Variants in MCOLN1 observed in about 807,000 individuals in gnomAD.
The protein encoded by MCOLN1 is mucolipin TRP cation channel 1.
A neutral mutation model predicts 70.3 loss-of-function variants in MCOLN1; 50 were observed. The ratio of observed to expected loss-of-function variants is 0.71; its 90% CI spans 0.57 to 0.90. MCOLN1 has a LOEUF of 0.90. Among genes scored for constraint, MCOLN1 ranks in the 40% least tolerant of loss-of-function variants. The pLI, the probability that MCOLN1 is intolerant of heterozygous loss-of-function variation, is 0.00. For synonymous variants in MCOLN1, 366 were observed against 341.0 expected (o/e 1.07, Z -0.81); for missense variants, 598 against 803.5 (o/e 0.74, Z 3.09).
chr19:7,533,733 C>T (rs1568401775), intron 13 of MCOLN1, 26 bp from the exon 14 acceptor site: 42 of 1,614,050 alleles, frequency 2.6e-5, no homozygotes, highest in Non-Finnish European at 3.2e-5. Flanking sequence ...AAACTGACGC[C>T]CCTCTTCCCT....
chr19:7,527,860 C>T lies in MCOLN1; in HGVS notation c.681-4C>T. On this transcript the variant is annotated splice_polypyrimidine_tract_variant and splice_region_variant and intron_variant, in intron 5 of 13. Coordinates refer to ENST00000264079, the MANE Select transcript of MCOLN1 (RefSeq NM_020533.3). The stretch of plus-strand genomic sequence containing the variant: ...CCTGACCCTCACCCGAGCCTCCTGC[C>T]TAGGCTGGTCAATGTCACCATCCAC... 1 of 1,612,748 alleles carries T rather than the reference C, an allele frequency of 6.2e-7. No homozygotes were observed. Among genetic ancestry groups the T allele is most frequent in the Non-Finnish European group, 8.5e-7 (1 of 1,178,712 alleles).
At chr19:7,527,055 G>A in intron 4 of MCOLN1, 129 bp downstream of exon 4, 1 of 1,254,772 alleles carries the variant, frequency 8.0e-7, no homozygotes, top group East Asian at 2.4e-5. Context: ...AGGAAGGATT[G>A]CTTGAGGCCA....
In MCOLN1 at chr19:7,526,412, T is replaced by G; in HGVS notation, c.238-27T>G. The G allele has an allele frequency of 6.2e-7, 1 of 1,614,116 alleles. No homozygotes were observed. The highest frequency in any genetic ancestry group is 2.2e-5 in the East Asian group (1 of 44,874). ...TACACCCCAACCCCCATCCTAGCCATGCCAACCTCTACTACCCTCTCCCCA... is the reference window on the plus strand; with the variant it reads ...TACACCCCAACCCCCATCCTAGCCAGGCCAACCTCTACTACCCTCTCCCCA... On this transcript the variant is annotated intron_variant, in intron 2 of 13. Transcript: ENST00000264079. This position sits in a 1 kb window ranked among gnomAD's most constrained non-coding sequence, Gnocchi z 4.6.
rs771709900 is a variant in MCOLN1, at chr19:7,524,966, G to T, written c.37G>T (p.Glu13Ter). 1 of 1,613,426 alleles carries T rather than the reference G, an allele frequency of 6.2e-7. No individual in the cohort carries two copies. Among genetic ancestry groups the T allele is most frequent in the Non-Finnish European group, 8.5e-7 (1 of 1,179,932 alleles). ...APAGPRGSET[E>*]RLLTPNPGYG... ...GCCCTCTCCTATTCCCACAGAGACC[G>T]AGCGGCTTCTGACCCCCAACCCCGG... The change falls in exon 2 of 14, where the codon GAG becomes TAG. Residue 13 changes from glutamate to a stop codon, truncating the protein, a stop_gained. Transcript: ENST00000264079. LOFTEE classifies it high-confidence loss of function. The surrounding 1 kb of genome is among the most constrained non-coding windows in gnomAD (Gnocchi z 4.1).
rs367884641 is a variant in MCOLN1, at chr19:7,530,507, C to T, written c.1575+6C>T. 6.2e-7 allele frequency: 1 copy of T among 1,607,032 alleles called. No individual in the cohort carries two copies. The highest frequency in any genetic ancestry group is 8.5e-7 in the Non-Finnish European group (1 of 1,179,582). ...GCGCCTACGACACCATCAAGGTCAG[C>T]CGCATGCACCCAGCCCTGAGCTCGG... On this transcript the variant is annotated splice_donor_region_variant and intron_variant, in intron 12 of 13. Transcript: ENST00000264079.
chr19:7,533,220 C>T (rs1269116322), intron 12 of MCOLN1, among the ~76,000 whole-genome samples: 4 of 152,244 alleles, frequency 2.6e-5, no homozygotes, highest in African/African-American at 4.8e-5. Flanking sequence ...ATCCAGCTCA[C>T]TCAATAGATG....
Position 7,524,519 on chromosome 19 carries a change from A to G in MCOLN1, c.32-442A>G, listed in dbSNP as rs2022538930. 6.6e-6 allele frequency among the ~76,000 whole-genome samples: 1 copy of G among 152,176 alleles called. No individual in the cohort carries two copies. The highest frequency in any genetic ancestry group is 1.5e-5 in the Non-Finnish European group (1 of 68,034). ...ATAAGCCCAGCAGGCTTGAACGCCC[A>G]GTGAAAAGCCAGTGGGAGCAGTTCA... On this transcript the variant is annotated intron_variant, in intron 1 of 13. Transcript: ENST00000264079. This position sits in a 1 kb window ranked among gnomAD's most constrained non-coding sequence, Gnocchi z 4.1.
intron 5 of MCOLN1, 112 bp from the exon 6 acceptor site, chr19:7,527,752 G>T: frequency 9.0e-7 from 1 of 1,113,948 alleles, no homozygotes; most frequent in Non-Finnish European, 1.4e-6. Context: ...TGCCTGCTGG[G>T]TGAGCACTTC....
At chr19:7,530,714 C>A (rs544933192) in intron 12 of MCOLN1, among the ~76,000 whole-genome samples, 1 of 152,300 alleles carries the variant, frequency 6.6e-6, no homozygotes, top group Admixed American at 6.5e-5. Flanking sequence ...TCAGTCTTTG[C>A]CAACAGGGCA....
intron 12 of MCOLN1, among the ~76,000 whole-genome samples, chr19:7,531,452 T>C (rs905974843): frequency 1.3e-5 from 2 of 151,906 alleles, no homozygotes; most frequent in Non-Finnish European, 2.9e-5. Context: ...CCACCTGCCT[T>C]GGCCTCCCAA....
At chr19:7,529,510 C>CCCCCCCCCCCCCCAGGGGGGG in intron 10 of MCOLN1, 80 bp from the exon 11 acceptor site, 2 of 912,888 alleles carry the variant, frequency 2.2e-6, no homozygotes, top group East Asian at 2.8e-5. Context: ...GGCCCCGCCC[C>CCCCCCCCCCCCCCAGGGGGGG]TCCCACCCCC....
chr19:7,526,936 CA>C lies in MCOLN1; in HGVS notation c.571+11del, dbSNP rs772392757. The C allele has an allele frequency of 6.2e-7, 1 of 1,613,852 alleles. No individual in the cohort carries two copies. Among genetic ancestry groups the C allele is most frequent in the Non-Finnish European group, 8.5e-7 (1 of 1,179,990 alleles). ...CCGATGGTGGTTACTGGTGAGTGGG[CA>C]GGACGAGGCTTCACTGTTGGGAGCC... On this transcript the variant is annotated intron_variant, in intron 4 of 13. Transcript: ENST00000264079. The surrounding 1 kb of genome is among the most constrained non-coding windows in gnomAD (Gnocchi z 4.6).
chr19:7,526,115 T>A lies in MCOLN1; in HGVS notation c.238-324T>A. On this transcript the variant is annotated intron_variant, in intron 2 of 13. Transcript: ENST00000264079. The surrounding 1 kb of genome is among the most constrained non-coding windows in gnomAD (Gnocchi z 4.6). ...TGGTACTTACCCTGAAAGTTTGGGT[T>A]TAACACAGAATCGGACATCCAGTAA... 1 of 421,170 alleles carries A rather than the reference T, an allele frequency of 2.4e-6. No individual in the cohort carries two copies. The highest frequency in any genetic ancestry group is 2.2e-5 in the South Asian group (1 of 45,166). The allele number at this position is 421,170 out of a possible 1,614,324, so 26.1% of individuals were successfully genotyped here. A position where few individuals can be genotyped will look rare whatever the true frequency, so the allele number is the denominator to read the frequency against.
Position 7,528,709 on chromosome 19 carries a change from G to C in MCOLN1, c.984+6G>C, listed in dbSNP as rs753187369. 1.7e-5 allele frequency: 27 copies of C among 1,614,066 alleles called. No homozygotes were observed. The Middle Eastern group carries it at 4.9e-4, about 29-fold the overall frequency. The stretch of plus-strand genomic sequence containing the variant: ...GAGGCTTCCTGCTGCAGAACGTGAG[G>C]CTTCTGCGTCATGTGTGCTGGTGTC... On this transcript the variant is annotated splice_donor_region_variant and intron_variant, in intron 8 of 13. Coordinates refer to ENST00000264079, the MANE Select transcript of MCOLN1 (RefSeq NM_020533.3). The surrounding 1 kb of genome is among the most constrained non-coding windows in gnomAD (Gnocchi z 4.2).
chr19:7,529,797 G>A, intron 11 of MCOLN1, 85 bp downstream of exon 11: 1 of 1,524,198 alleles, frequency 6.6e-7, no homozygotes, highest in Non-Finnish European at 9.1e-7. Context: ...CTTGGTGACT[G>A]CTGGGAGTCT....
chr19:7,529,270 C>T, intron 10 of MCOLN1, 68 bp downstream of exon 10: 2 of 1,413,150 alleles, frequency 1.4e-6, no homozygotes, highest in South Asian at 1.2e-5. Context: ...AATCCCTACA[C>T]ACGCAGCCCT....
chr19:7,533,701 G>A, intron 13 of MCOLN1, 48 bp downstream of exon 13: 1 of 1,614,160 alleles, frequency 6.2e-7, no homozygotes, highest in East Asian at 2.2e-5. Context: ...TAGGGAATGG[G>A]GAAAGGGGAG....
At chr19:7,529,515 A>AAGGGGGCC (rs2146025326) in intron 10 of MCOLN1, 75 bp from the exon 11 acceptor site, 1 of 407,488 alleles carries the variant, frequency 2.5e-6, no homozygotes, top group Middle Eastern at 7.2e-4. Flanking sequence ...CGCCCCTCCC[A>AAGGGGGCC]CCCCCATCTG....
chr19:7,533,492 T>C (rs1383408704), intron 12 of MCOLN1, 31 bp from the exon 13 acceptor site: 1 of 1,609,700 alleles, frequency 6.2e-7, no homozygotes, highest in African/African-American at 1.3e-5. Context: ...GGAGCCACTT[T>C]CAGGCTGAGC....
Sources: allele counts gnomAD v4.1 joint callset (sites outside exome capture counted in the v4.1 genomes callset), GRCh38; gene constraint gnomAD v4.1.1; non-coding constraint Gnocchi (gnomAD v3.1); transcripts MANE v1.5; gene names NCBI Gene and HGNC (gene_info 2026-07-23, HGNC 2026-07-21).